TMEM273: variants seen among roughly 807,000 people sequenced by gnomAD.
TMEM273 encodes the protein transmembrane protein 273.
In TMEM273, 19 loss-of-function variants were observed where a neutral mutation model predicts 17.9. The observed-to-expected ratio is 1.06, with a 90% CI of 0.74 to 1.55. The LOEUF is 1.55. Ranked by LOEUF, TMEM273 falls within the 40% of genes most tolerant of loss-of-function variation. The pLI is 0.00. For missense variants in TMEM273, 194 were observed against 155.6 expected (o/e 1.25, Z -1.31); for synonymous variants, 66 against 62.0 (o/e 1.07, Z -0.31).
At chr10:49,159,285 G>C (rs1395342256) in intron 6 of TMEM273, among the ~76,000 whole-genome samples, 1 of 152,154 alleles carries the variant, frequency 6.6e-6, no homozygotes, top group African/African-American at 2.4e-5. Context: ...TAACCACACA[G>C]AGAATATAAT....
chr10:49,156,404 C>G, intron 6 of TMEM273: 1 of 628,802 alleles, frequency 1.6e-6, no homozygotes, highest in East Asian at 7.2e-5. Context: ...GCATAGGTGT[C>G]TAAAAAAGGG....
intron 5 of TMEM273, among the ~76,000 whole-genome samples, chr10:49,162,599 GAGA>G (rs1564622455): frequency 6.6e-6 from 1 of 152,204 alleles, no homozygotes; most frequent in Non-Finnish European, 1.5e-5. Flanking sequence ...TCCCCGTGGT[GAGA>G]AGGTCACTGT....
intron 1 of TMEM273, among the ~76,000 whole-genome samples, chr10:49,174,674 G>A (rs560318184): frequency 6.6e-6 from 1 of 152,250 alleles, no homozygotes; most frequent in Middle Eastern, 3.4e-3. Context: ...CTGTACAAAA[G>A]GAACACACGG....
At chr10:49,173,069 A>G (rs1169758669) in intron 1 of TMEM273, among the ~76,000 whole-genome samples, 1 of 152,234 alleles carries the variant, frequency 6.6e-6, no homozygotes, top group Non-Finnish European at 1.5e-5. Context: ...GCTGAGAGCT[A>G]TGGGGCCAAG....
Position 49,155,796 on chromosome 10 carries a change from C to G in TMEM273, c.*96G>C, listed in dbSNP as rs75050051. 1.3e-6 allele frequency: 2 copies of G among 1,578,856 alleles called. No homozygotes were observed. The highest frequency in any genetic ancestry group is 1.7e-5 in the Admixed American group (1 of 59,324). ...AGTCCATGTGAAAGTTCATTACCAG[C>G]CTTGGGTGTTTGAATGCAGAACATC... On this transcript the variant is annotated 3_prime_UTR_variant, in exon 7 of 7. Transcript: ENST00000374153.
chr10:49,184,969 G>A (rs577249136), intron 1 of TMEM273, among the ~76,000 whole-genome samples: 10 of 152,168 alleles, frequency 6.6e-5, no homozygotes, highest in Non-Finnish European at 1.2e-4. Flanking sequence ...ATAATGCAAC[G>A]TGTTCAGTAT....
intron 1 of TMEM273, among the ~76,000 whole-genome samples, chr10:49,181,722 C>T (rs552427158): frequency 6.6e-6 from 1 of 151,958 alleles, no homozygotes; most frequent in Non-Finnish European, 1.5e-5. Context: ...TCATAGATTT[C>T]AATATAAAAC....
intron 5 of TMEM273, among the ~76,000 whole-genome samples, chr10:49,164,381 C>A (rs1846032772): frequency 6.6e-6 from 1 of 152,194 alleles, no homozygotes; most frequent in Non-Finnish European, 1.5e-5. Flanking sequence ...CTTACTCCAG[C>A]AGGGCTTTGC....
In TMEM273 at chr10:49,155,411, T is replaced by C. The variant is rs1349291421; in HGVS notation, c.*481A>G. The stretch of plus-strand genomic sequence containing the variant: ...GTTTCAGGACTCCCGAATCTTCACA[T>C]AGTCCATCTTTAAGAAGGGATCTCC... On this transcript the variant is annotated 3_prime_UTR_variant, in exon 7 of 7. Coordinates refer to ENST00000374153, the MANE Select transcript of TMEM273 (RefSeq NM_001288740.3). 5.6e-6 allele frequency: 1 copy of C among 178,828 alleles called. No homozygotes were observed. The highest frequency in any genetic ancestry group is 1.2e-5 in the Non-Finnish European group (1 of 84,590). 11.1% of individuals were successfully genotyped at this position (178,828 alleles called of 1,614,324 possible).
intron 1 of TMEM273, among the ~76,000 whole-genome samples, chr10:49,170,585 C>G (rs1005820143): frequency 2.5e-4 from 38 of 152,322 alleles, no homozygotes; most frequent in Admixed American, 1.3e-3. Context: ...CACTGCCACC[C>G]CAACTCCACC....
chr10:49,162,715 C>T (rs2132116853), intron 5 of TMEM273, among the ~76,000 whole-genome samples: 1 of 152,246 alleles, frequency 6.6e-6, no homozygotes, highest in South Asian at 2.1e-4. Context: ...GCAGAGGGCC[C>T]CTGAGGCCAC....
rs184399119 is a variant in TMEM273, at chr10:49,171,844, T to G, written c.44-3882A>C. Reference sequence around the variant, plus strand: ...GCCCCATCTCACTTGGAATCTGACCTGCTGAGAGCCCATCCCCGGCATCCA... The same window carrying G: ...GCCCCATCTCACTTGGAATCTGACCGGCTGAGAGCCCATCCCCGGCATCCA... On this transcript the variant is annotated intron_variant, in intron 1 of 6. Transcript: ENST00000374153. Among the ~76,000 whole-genome samples the G allele has an allele frequency of 3.3e-5, 5 of 151,422 alleles. No individual in the cohort carries two copies. The East Asian group carries it at 5.8e-4, about 18-fold the overall frequency.
intron 1 of TMEM273, among the ~76,000 whole-genome samples, chr10:49,170,319 G>T: frequency 6.6e-6 from 1 of 152,042 alleles, no homozygotes; most frequent in East Asian, 1.9e-4. Context: ...CTCCATTCTC[G>T]CCAGGCTGTC....
chr10:49,164,834 C>A (rs140699680), intron 5 of TMEM273, among the ~76,000 whole-genome samples: 1 of 152,146 alleles, frequency 6.6e-6, no homozygotes, highest in Non-Finnish European at 1.5e-5. Context: ...CATAGACCTC[C>A]CGGGACCCCC....
intron 1 of TMEM273, among the ~76,000 whole-genome samples, chr10:49,184,821 T>C (rs2132297310): frequency 6.6e-6 from 1 of 152,358 alleles, no homozygotes; most frequent in South Asian, 2.1e-4. Context: ...GCCTCAGCCA[T>C]CAGGCTGCAA....
At chr10:49,165,368 A>G (rs1317468137) in intron 4 of TMEM273, 85 bp from the exon 5 acceptor site, 25 of 1,545,712 alleles carry the variant, frequency 1.6e-5, no homozygotes, top group East Asian at 2.4e-5. Context: ...GGCTCTGTGC[A>G]GAAGAGCAGG....
At chr10:49,175,489 G>T (rs540587078) in intron 1 of TMEM273, among the ~76,000 whole-genome samples, 9 of 152,226 alleles carry the variant, frequency 5.9e-5, no homozygotes, top group Non-Finnish European at 1.2e-4. Flanking sequence ...AATTAAGAGG[G>T]AAACAATAAC....
At position 49,155,603 on chromosome 10, in the gene TMEM273, C is replaced by G. The variant is rs1285467480; in HGVS notation, c.*289G>C. 3.1e-5 allele frequency: 16 copies of G among 522,904 alleles called. No individual in the cohort carries two copies. Among genetic ancestry groups the G allele is most frequent in the East Asian group, 2.6e-4 (8 of 30,768 alleles). The allele number at this position is 522,904 out of a possible 1,614,324, so 32.4% of individuals were successfully genotyped here. A position where few individuals can be genotyped will look rare whatever the true frequency, so the allele number is the denominator to read the frequency against. ...CACCATGGCCTCATGGAAGCATGAA[C>G]AGCTCCAACACAGGGTGAAGCTTTT... On this transcript the variant is annotated 3_prime_UTR_variant, in exon 7 of 7. Transcript: ENST00000374153.
intron 1 of TMEM273, among the ~76,000 whole-genome samples, chr10:49,168,690 AAGGGAGGGAGGG>A (rs565991789): frequency 2.3e-4 from 15 of 66,330 alleles, no homozygotes; most frequent in African/African-American, 5.7e-4. Context: ...GGAAGGAAGG[AAGGGAGGGAGGG>A]AGGGAGGGAG....
Sources: gnomAD v4.1 joint callset for allele counts (sites outside exome capture counted in the v4.1 genomes callset) on GRCh38, gnomAD v4.1.1 for gene constraint, MANE v1.5 for transcripts, NCBI Gene and HGNC (gene_info 2026-07-23, HGNC 2026-07-21) for gene names.